Variants in GRM8 observed in about 807,000 individuals in gnomAD.
GRM8 encodes the protein metabotropic glutamate receptor 8.
In GRM8, 47 loss-of-function variants were observed where a neutral mutation model predicts 87.2. The ratio of observed to expected loss-of-function variants is 0.54; its 90% CI spans 0.43 to 0.69. The LOEUF (loss-of-function observed/expected upper bound fraction) is 0.69. Ranked by LOEUF, GRM8 falls within the 30% of genes least tolerant of loss-of-function variation. The pLI, the probability that GRM8 is intolerant of heterozygous loss-of-function variation, is 0.00. For synonymous variants in GRM8, 396 were observed against 404.5 expected (o/e 0.98, Z 0.25); for missense variants, 1,019 against 1,139.2 (o/e 0.89, Z 1.52).
chr7:127,188,013 A>T (rs1314283309), intron 2 of GRM8, among the ~76,000 whole-genome samples: 1 of 152,184 alleles, frequency 6.6e-6, no homozygotes, highest in Non-Finnish European at 1.5e-5. Context: ...TCACACATTC[A>T]TCTAACAAAA....
chr7:127,043,978 A>C (rs763108388), intron 3 of GRM8, among the ~76,000 whole-genome samples: 1 of 152,136 alleles, frequency 6.6e-6, no homozygotes, highest in Non-Finnish European at 1.5e-5. Context: ...CTTTTCACAC[A>C]AGTTACATAT....
chr7:127,172,090 T>C (rs1430212703), intron 2 of GRM8, among the ~76,000 whole-genome samples: 1 of 152,136 alleles, frequency 6.6e-6, no homozygotes, highest in Admixed American at 6.5e-5. Flanking sequence ...TTTTTAAAAA[T>C]GTAAAGTGAC....
At chr7:127,164,083 C>T (rs939164431) in intron 2 of GRM8, among the ~76,000 whole-genome samples, 16 of 152,098 alleles carry the variant, frequency 1.1e-4, no homozygotes, top group African/African-American at 3.9e-4. Context: ...TGGCACTGTC[C>T]TCAGGATAGT....
intron 1 of GRM8, among the ~76,000 whole-genome samples, chr7:127,249,965 G>A (rs1295829401): frequency 6.6e-6 from 1 of 152,140 alleles, no homozygotes; most frequent in Non-Finnish European, 1.5e-5. Flanking sequence ...TTAAGACACT[G>A]GGACAGAGCA....
chr7:127,142,241 G>T (rs1828311003), intron 2 of GRM8, among the ~76,000 whole-genome samples: 1 of 152,018 alleles, frequency 6.6e-6, no homozygotes, highest in Non-Finnish European at 1.5e-5. Flanking sequence ...GCCTCCCAAA[G>T]TCCTGGGATT....
intron 8 of GRM8, among the ~76,000 whole-genome samples, chr7:126,582,225 G>A (rs1226944736): frequency 6.6e-6 from 1 of 152,102 alleles, no homozygotes; most frequent in East Asian, 1.9e-4. Context: ...AAGTAAAACA[G>A]CCTTATTGCT....
rs191051648 is a variant in GRM8, at chr7:126,802,095, T to C, written c.1157-32030A>G. 2.3e-3 allele frequency among the ~76,000 whole-genome samples: 357 copies of C among 152,288 alleles called. 1 individual carries two copies. Among genetic ancestry groups the C allele is most frequent in the African/African-American group, 7.8e-3 (323 of 41,556 alleles). On this transcript the variant is annotated intron_variant, in intron 6 of 10. Transcript: ENST00000339582. ...AACTATATATTTATGGTGTACAAAA[T>C]GATGTTTTGGTATTTCATACATTGT... is the stretch of plus-strand genomic sequence containing the variant.
Position 126,446,178 on chromosome 7 carries a change from G to C in GRM8, c.2625C>G (p.Asp875Glu). The C allele has an allele frequency of 1.2e-6, 2 of 1,612,726 alleles. No individual in the cohort carries two copies. The highest frequency in any genetic ancestry group is 1.7e-6 in the Non-Finnish European group (2 of 1,179,032). Residue 875 changes from aspartate to glutamate, a missense_variant, in exon 10 of 11, where the codon GAC (aspartate) becomes GAG (glutamate). Transcript: ENST00000339582. Reference sequence around the variant, plus strand: ...CACTTTTCACCTCGCCATTTGGTCTGTCATTTCCTTTTTGGATCAGTTTGC... The same window carrying C: ...CACTTTTCACCTCGCCATTTGGTCTCTCATTTCCTTTTTGGATCAGTTTGC... ...MQSKLIQKGNDRPNGEVKSEL... is the reference protein window; with the variant it reads ...MQSKLIQKGNERPNGEVKSEL...
At chr7:126,658,425 A>G (rs1406295087) in intron 7 of GRM8, among the ~76,000 whole-genome samples, 1 of 152,206 alleles carries the variant, frequency 6.6e-6, no homozygotes, top group Non-Finnish European at 1.5e-5. Flanking sequence ...AATGAGTAGG[A>G]CTGGATGAGC....
At chr7:126,856,664 T>C (rs1025497035) in intron 6 of GRM8, among the ~76,000 whole-genome samples, 3 of 152,208 alleles carry the variant, frequency 2.0e-5, no homozygotes, top group Non-Finnish European at 4.4e-5. Context: ...GGAGACTTCT[T>C]GATGCAAGGA....
chr7:127,006,838 A>G (rs989954924), intron 3 of GRM8, among the ~76,000 whole-genome samples: 2 of 151,868 alleles, frequency 1.3e-5, no homozygotes, highest in African/African-American at 4.8e-5. Context: ...CGCATCCCCT[A>G]TTTGATCTGT....
In GRM8 at chr7:126,588,100, T is replaced by G. The variant is rs568482702; in HGVS notation, c.1494+21262A>C. ...AGAACTCATATCTGATTTTTGAATC[T>G]AATGAAATAACCTGAATGTAAAAAA... On this transcript the variant is annotated intron_variant, in intron 8 of 10. Coordinates refer to ENST00000339582, the MANE Select transcript of GRM8 (RefSeq NM_000845.3). Among the ~76,000 whole-genome samples, 9 of 152,254 alleles carry G rather than the reference T, an allele frequency of 5.9e-5. No individual in the cohort carries two copies. The South Asian group carries it at 1.9e-3, about 32-fold the overall frequency.
chr7:126,777,348 T>A (rs1434146796), intron 6 of GRM8, among the ~76,000 whole-genome samples: 1 of 152,108 alleles, frequency 6.6e-6, no homozygotes, highest in Non-Finnish European at 1.5e-5. Flanking sequence ...GAACTGAGAT[T>A]CAAAAAGTCA....
chr7:126,900,854 C>G (rs909221838), intron 6 of GRM8, among the ~76,000 whole-genome samples: 2 of 152,118 alleles, frequency 1.3e-5, no homozygotes, highest in African/African-American at 4.8e-5. Flanking sequence ...CCCCAGGATA[C>G]TGGATGAGTC....
chr7:126,477,639 A>AAAGAAAG (rs1563051509), intron 9 of GRM8, among the ~76,000 whole-genome samples: 10 of 144,194 alleles, frequency 6.9e-5, no homozygotes, highest in East Asian at 2.0e-4. Context: ...AAGAAAGAAA[A>AAAGAAAG]AACGAAAGAG....
intron 6 of GRM8, among the ~76,000 whole-genome samples, chr7:126,881,887 T>C (rs1800054503): frequency 6.6e-6 from 1 of 152,132 alleles, no homozygotes; most frequent in Non-Finnish European, 1.5e-5. Context: ...ATTATATATG[T>C]ATAAGTATAA....
At chr7:126,673,846 C>A (rs976047500) in intron 7 of GRM8, among the ~76,000 whole-genome samples, 4 of 152,078 alleles carry the variant, frequency 2.6e-5, no homozygotes, top group African/African-American at 9.7e-5. Context: ...TCCAACTCAG[C>A]GTCTTTAGTT....
chr7:126,625,779 A>C (rs919493306), intron 7 of GRM8, among the ~76,000 whole-genome samples: 7 of 152,206 alleles, frequency 4.6e-5, no homozygotes, highest in Non-Finnish European at 7.4e-5. Context: ...AAGTAACCAC[A>C]GAGACTATTA....
intron 2 of GRM8, among the ~76,000 whole-genome samples, chr7:127,225,478 T>C (rs1193719893): frequency 8.3e-6 from 1 of 121,024 alleles, no homozygotes; most frequent in Non-Finnish European, 1.7e-5. Context: ...GTGCAACCTA[T>C]CTGCTGGAAA....
Sources: gnomAD v4.1 joint callset for allele counts (sites outside exome capture counted in the v4.1 genomes callset) on GRCh38, gnomAD v4.1.1 for gene constraint, MANE v1.5 for transcripts, NCBI Gene and HGNC (gene_info 2026-07-23, HGNC 2026-07-21) for gene names.